TMEM26: variants seen among roughly 807,000 people sequenced by gnomAD.
TMEM26 encodes the protein transmembrane protein 26.
Under a neutral mutation model 28.8 loss-of-function variants are expected in TMEM26, and 38 were observed. That is an observed-to-expected ratio of 1.32 (90% confidence interval 1.02 to 1.73). TMEM26 has a LOEUF of 1.73. TMEM26 is among the 40% of genes most tolerant of loss of function. The pLI is 0.00. For missense variants in TMEM26, 518 were observed against 447.1 expected, an observed-to-expected ratio of 1.16 and a Z score of -1.43; for synonymous variants, 227 against 182.9, an observed-to-expected ratio of 1.24 and a Z score of -1.95.
chr10:61,444,219 A>G (rs1292099751), intron 1 of TMEM26, among the ~76,000 whole-genome samples: 1 of 152,186 alleles, frequency 6.6e-6, no homozygotes, highest in Non-Finnish European at 1.5e-5. Flanking sequence ...CTGTTCTCAT[A>G]TAACTATACA....
intron 1 of TMEM26, among the ~76,000 whole-genome samples, chr10:61,451,945 A>C (rs899736861): frequency 6.6e-6 from 1 of 151,452 alleles, no homozygotes; most frequent in African/African-American, 2.4e-5. Flanking sequence ...GCCTAATACC[A>C]TTTTCTCCTT....
chr10:61,450,281 A>G (rs376456455), intron 1 of TMEM26, among the ~76,000 whole-genome samples: 9 of 152,258 alleles, frequency 5.9e-5, no homozygotes, highest in African/African-American at 2.2e-4. Flanking sequence ...ATTTAATTCC[A>G]TCAGCCTAGA....
In TMEM26 at chr10:61,408,348, G is replaced by C. The variant is rs1431683519; in HGVS notation, c.*1974C>G. The C allele has an allele frequency of 6.6e-6, 1 of 152,114 alleles. No homozygotes were observed. The allele number at this position is 152,114 out of a possible 1,614,324, so 9.4% of individuals were successfully genotyped here. On this transcript the variant is annotated 3_prime_UTR_variant, in exon 6 of 6. Coordinates refer to ENST00000399298, the MANE Select transcript of TMEM26 (RefSeq NM_178505.8). ...TAAACACTAGAAACTCATTCACGAAGCCAAGCCAAGTCTCAGATTTGAAAG... is the reference window on the plus strand; with the variant it reads ...TAAACACTAGAAACTCATTCACGAACCCAAGCCAAGTCTCAGATTTGAAAG...
rs141806837 is a variant in TMEM26, at chr10:61,409,822, G to A, written c.*500C>T. ...ATACGGAAGCTGGGCAGAGATTTTC[G>A]CTTCTTCCAGCCCACAGTGAGGTAA... On this transcript the variant is annotated 3_prime_UTR_variant, in exon 6 of 6. Coordinates refer to ENST00000399298, the MANE Select transcript of TMEM26 (RefSeq NM_178505.8). 1.6e-4 allele frequency: 26 copies of A among 157,826 alleles called. No individual in the cohort carries two copies. The East Asian group carries it at 4.2e-3, about 25-fold the overall frequency. 9.8% of individuals were successfully genotyped at this position (157,826 alleles called of 1,614,324 possible).
chr10:61,446,969 T>TA (rs141511563), intron 1 of TMEM26, among the ~76,000 whole-genome samples: 33,408 of 149,884 alleles, frequency 0.22, 4,041 homozygotes, highest in Middle Eastern at 0.33. Flanking sequence ...CAACAAACTT[T>TA]AAAAAAAAAT....
At chr10:61,437,849 C>T (rs1309159774) in intron 1 of TMEM26, among the ~76,000 whole-genome samples, 2 of 152,120 alleles carry the variant, frequency 1.3e-5, no homozygotes, top group Non-Finnish European at 2.9e-5. Context: ...CTTTGCAGAA[C>T]ATCTCAAAGT....
At chr10:61,438,356 T>A (rs925673138) in intron 1 of TMEM26, among the ~76,000 whole-genome samples, 1 of 152,228 alleles carries the variant, frequency 6.6e-6, no homozygotes, top group Non-Finnish European at 1.5e-5. Flanking sequence ...GAGATAATAT[T>A]TCCCTTGTGA....
intron 4 of TMEM26, among the ~76,000 whole-genome samples, chr10:61,419,389 T>C (rs1839705957): frequency 1.3e-5 from 2 of 152,048 alleles, no homozygotes; most frequent in Admixed American, 1.3e-4. Context: ...TATAAATAGG[T>C]TCAAAGAATG....
chr10:61,451,771 A>G (rs951260832), intron 1 of TMEM26, among the ~76,000 whole-genome samples: 1 of 152,172 alleles, frequency 6.6e-6, no homozygotes, highest in African/African-American at 2.4e-5. Context: ...ACAGTAGAAA[A>G]TGTAAGTAAG....
intron 1 of TMEM26, among the ~76,000 whole-genome samples, chr10:61,439,410 C>T (rs1409970947): frequency 6.6e-6 from 1 of 152,168 alleles, no homozygotes; most frequent in Non-Finnish European, 1.5e-5. Flanking sequence ...TTAATGCTTA[C>T]TAAGCAAATG....
chr10:61,438,900 T>G (rs1259110265), intron 1 of TMEM26, among the ~76,000 whole-genome samples: 1 of 152,120 alleles, frequency 6.6e-6, no homozygotes, highest in Non-Finnish European at 1.5e-5. Context: ...CTCACTTCAA[T>G]CCTCTTCCTT....
intron 4 of TMEM26, among the ~76,000 whole-genome samples, chr10:61,427,825 T>C (rs1175770572): frequency 6.6e-6 from 1 of 152,150 alleles, no homozygotes; most frequent in Non-Finnish European, 1.5e-5. Context: ...TTGATGTTTT[T>C]CTTGTAACAA....
chr10:61,418,098 G>T (rs999414051), intron 4 of TMEM26, among the ~76,000 whole-genome samples: 2 of 151,716 alleles, frequency 1.3e-5, no homozygotes, highest in African/African-American at 4.8e-5. Context: ...ACTGAATGAA[G>T]TTAAATAGAT....
intron 1 of TMEM26, among the ~76,000 whole-genome samples, chr10:61,445,685 TA>T (rs35373574): frequency 4.8e-5 from 6 of 125,336 alleles, no homozygotes; most frequent in African/African-American, 1.8e-4. Context: ...AATTTTTTTT[TA>T]AAAAAAAGGA....
chr10:61,436,114 CT>C (rs1840001578), intron 2 of TMEM26, 55 bp downstream of exon 2: 3 of 1,122,856 alleles, frequency 2.7e-6, no homozygotes, highest in Non-Finnish European at 4.0e-6. Flanking sequence ...CTGGATCATA[CT>C]GTGAAAGTAG....
At chr10:61,450,843 G>A (rs10994766) in intron 1 of TMEM26, among the ~76,000 whole-genome samples, 3 of 151,780 alleles carry the variant, frequency 2.0e-5, no homozygotes, top group Non-Finnish European at 2.9e-5. Context: ...TGACTTGTGC[G>A]GACATAAAGT....
At chr10:61,423,633 G>A (rs1839782982) in intron 4 of TMEM26, among the ~76,000 whole-genome samples, 1 of 152,154 alleles carries the variant, frequency 6.6e-6, no homozygotes, top group Non-Finnish European at 1.5e-5. Flanking sequence ...ACCTGCTTGG[G>A]AGGCTGAGGT....
chr10:61,444,068 AC>A (rs1840139099), intron 1 of TMEM26, among the ~76,000 whole-genome samples: 2 of 152,152 alleles, frequency 1.3e-5, no homozygotes, highest in African/African-American at 2.4e-5. Flanking sequence ...CATAACCACT[AC>A]TACCTCAGAA....
Position 61,406,856 on chromosome 10 carries a change from T to C in TMEM26, c.*3466A>G, listed in dbSNP as rs1450769827. The C allele has an allele frequency of 6.6e-6, 1 of 152,110 alleles. No individual in the cohort carries two copies. The highest frequency in any genetic ancestry group is 6.6e-5 in the Admixed American group (1 of 15,246). 9.4% of individuals were successfully genotyped at this position (152,110 alleles called of 1,614,324 possible). On this transcript the variant is annotated 3_prime_UTR_variant, in exon 6 of 6. Transcript: ENST00000399298. ...TTACTCCCTGCATATGGAAACTTAT[T>C]TGAAGCCTCAAAGCTGTAAACATCC...
Sources: allele counts gnomAD v4.1 joint callset (sites outside exome capture counted in the v4.1 genomes callset), GRCh38; gene constraint gnomAD v4.1.1; transcripts MANE v1.5; gene names NCBI Gene and HGNC (gene_info 2026-07-23, HGNC 2026-07-21).